GRK5: variants seen among roughly 807,000 people sequenced by gnomAD.
The protein encoded by GRK5 is g protein-coupled receptor kinase GRK5.
A neutral mutation model predicts 78.4 loss-of-function variants in GRK5; 40 were observed. The observed-to-expected ratio is 0.51, with a 90% CI of 0.40 to 0.66. The LOEUF is 0.66. Ranked by LOEUF, GRK5 falls within the 30% of genes least tolerant of loss-of-function variation. The pLI, the probability that GRK5 is intolerant of heterozygous loss-of-function variation, is 0.00. For missense variants in GRK5, 598 were observed against 759.9 expected, an observed-to-expected ratio of 0.79 and a Z score of 2.50; for synonymous variants, 289 against 296.8, an observed-to-expected ratio of 0.97 and a Z score of 0.27.
chr10:119,376,079 G>A (rs546695238), intron 2 of GRK5, among the ~76,000 whole-genome samples: 2 of 152,180 alleles, frequency 1.3e-5, no homozygotes, highest in Non-Finnish European at 2.9e-5. Flanking sequence ...GCCCTTTCCT[G>A]TGTGAGTCCA....
intron 1 of GRK5, among the ~76,000 whole-genome samples, chr10:119,225,704 T>C (rs908949697): frequency 6.1e-5 from 9 of 148,310 alleles, no homozygotes; most frequent in African/African-American, 2.2e-4. Context: ...AGAGTCTCGC[T>C]CTGTCACCCA....
At chr10:119,339,717 A>C (rs1230335483) in intron 2 of GRK5, among the ~76,000 whole-genome samples, 3 of 152,186 alleles carry the variant, frequency 2.0e-5, no homozygotes, top group Non-Finnish European at 4.4e-5. Context: ...ACATGGCGAA[A>C]CCTAGTCTCT....
chr10:119,406,140 C>A (rs1043128399), intron 4 of GRK5, among the ~76,000 whole-genome samples: 1 of 152,154 alleles, frequency 6.6e-6, no homozygotes, highest in African/African-American at 2.4e-5. Context: ...TGCAGGAGAT[C>A]CAAAGAGAAT....
chr10:119,414,208 C>T (rs1474319244), intron 4 of GRK5, among the ~76,000 whole-genome samples: 1 of 152,230 alleles, frequency 6.6e-6, no homozygotes, highest in Non-Finnish European at 1.5e-5. Context: ...CAGCTGCCCA[C>T]ATATGAAAAT....
chr10:119,380,916 C>T lies in GRK5; in HGVS notation c.250C>T (p.Leu84=), dbSNP rs1417508534. ...TGGGCTGGAGTGTTACATTCAGTTC[C>T]TGGACTCCGTGGTAAGTTCCTGCTC... ...RPGLECYIQF[L]DSVAEYEVTP... The change falls in exon 3 of 16, where the codon CTG becomes TTG. Residue 84 remains leucine, a synonymous_variant. Coordinates refer to ENST00000392870, the MANE Select transcript of GRK5 (RefSeq NM_005308.3). 5 of 1,605,374 alleles carry T rather than the reference C, an allele frequency of 3.1e-6. No individual in the cohort carries two copies. The African/African-American group carries it at 5.3e-5, about 17-fold the overall frequency.
intron 1 of GRK5, among the ~76,000 whole-genome samples, chr10:119,254,485 A>G (rs909872551): frequency 2.6e-5 from 4 of 152,078 alleles, no homozygotes; most frequent in African/African-American, 7.2e-5. Flanking sequence ...CTTACAGCCT[A>G]ATGGGAAAGG....
At position 119,455,202 on chromosome 10, in the gene GRK5, C is replaced by T. The variant is rs564268134; in HGVS notation, c.*135C>T. 9.2e-6 allele frequency: 7 copies of T among 760,426 alleles called. No individual in the cohort carries two copies. The highest frequency in any genetic ancestry group is 1.6e-5 in the Non-Finnish European group (7 of 431,524). 47.1% of individuals were successfully genotyped at this position (760,426 alleles called of 1,614,324 possible). Reference sequence around the variant, plus strand: ...AGCCGGGGAAGGAGGCCGTCCATCCCGTCGACGTAGAACCTCGAGGTTTCT... The same window carrying T: ...AGCCGGGGAAGGAGGCCGTCCATCCTGTCGACGTAGAACCTCGAGGTTTCT... On this transcript the variant is annotated 3_prime_UTR_variant, in exon 16 of 16. Coordinates refer to ENST00000392870, the MANE Select transcript of GRK5 (RefSeq NM_005308.3).
chr10:119,262,032 C>T (rs1849415867), intron 1 of GRK5, among the ~76,000 whole-genome samples: 1 of 152,190 alleles, frequency 6.6e-6, no homozygotes, highest in Non-Finnish European at 1.5e-5. Flanking sequence ...GATTCTTTTC[C>T]TGAAGCTTTA....
intron 1 of GRK5, among the ~76,000 whole-genome samples, chr10:119,228,308 A>G (rs1332941969): frequency 1.3e-5 from 2 of 151,798 alleles, no homozygotes; most frequent in South Asian, 2.1e-4. Context: ...TGGTGCCAGT[A>G]TGCTCCAGCC....
chr10:119,407,445 A>C (rs1471415244), intron 4 of GRK5, among the ~76,000 whole-genome samples: 1 of 152,224 alleles, frequency 6.6e-6, no homozygotes, highest in Non-Finnish European at 1.5e-5. Flanking sequence ...CTTTTTCTTT[A>C]AGCCAGTAAG....
At chr10:119,275,809 G>A (rs1216445855) in intron 1 of GRK5, among the ~76,000 whole-genome samples, 4 of 152,182 alleles carry the variant, frequency 2.6e-5, no homozygotes, top group Non-Finnish European at 5.9e-5. Context: ...GGGGAGGGCT[G>A]AGCATGTGTA....
chr10:119,443,529 C>A lies in GRK5; in HGVS notation c.1058-15C>A, dbSNP rs955591167. ...TCCCTCCTCCTCACTCCTCTCTCCTCTCCTCTGCCCCCAGCTCCAGAGGTC... is the reference window on the plus strand; with the variant it reads ...TCCCTCCTCCTCACTCCTCTCTCCTATCCTCTGCCCCCAGCTCCAGAGGTC... On this transcript the variant is annotated splice_polypyrimidine_tract_variant and intron_variant, in intron 11 of 15. Transcript: ENST00000392870. 2 of 1,593,528 alleles carry A rather than the reference C, an allele frequency of 1.3e-6. No individual in the cohort carries two copies. Among genetic ancestry groups the A allele is most frequent in the East Asian group, 4.5e-5 (2 of 44,236 alleles).
At chr10:119,266,180 G>C (rs754124793) in intron 1 of GRK5, among the ~76,000 whole-genome samples, 1 of 152,216 alleles carries the variant, frequency 6.6e-6, no homozygotes. Flanking sequence ...GGCTGGATGG[G>C]CGCGAAGGCT....
chr10:119,308,014 C>T (rs933112566), intron 1 of GRK5, among the ~76,000 whole-genome samples: 6 of 152,160 alleles, frequency 3.9e-5, no homozygotes, highest in Non-Finnish European at 8.8e-5. Context: ...CTCTATGAGG[C>T]TCCATCTGAG....
At chr10:119,212,726 G>A (rs1245829205) in intron 1 of GRK5, 2 of 152,234 alleles carry the variant, frequency 1.3e-5, no homozygotes, top group Admixed American at 6.5e-5. Context: ...CATAGGTCAT[G>A]CAACTCAGAG....
Position 119,207,892 on chromosome 10 carries a change from G to A in GRK5, c.-26G>A, listed in dbSNP as rs775913595. 1.5e-5 allele frequency: 24 copies of A among 1,588,102 alleles called. No homozygotes were observed. The highest frequency in any genetic ancestry group is 1.4e-5 in the Non-Finnish European group (16 of 1,169,632). ...CAGGCGCTGACAGCCCCGCCGGCCG[G>A]CTCCGTTGCTGACCGCCGACTGTCA... On this transcript the variant is annotated 5_prime_UTR_variant, in exon 1 of 16. Coordinates refer to ENST00000392870, the MANE Select transcript of GRK5 (RefSeq NM_005308.3).
At chr10:119,298,523 G>A (rs900233583) in intron 1 of GRK5, among the ~76,000 whole-genome samples, 7 of 152,174 alleles carry the variant, frequency 4.6e-5, no homozygotes, top group African/African-American at 7.2e-5. Flanking sequence ...CTCAAACTTA[G>A]CATTTTCGAT....
chr10:119,436,692 C>G lies in GRK5; in HGVS notation c.780C>G (p.Cys260Trp). Reference protein sequence around the residue: ...AYAYETKDALCLVLTIMNGGD... With the variant: ...AYAYETKDALWLVLTIMNGGD... ...CCTACGAGACCAAGGATGCACTGTG[C>G]TTGGTCCTGACCATCATGAATGGGG... Residue 260 changes from cysteine (C) to tryptophan (W), a missense_variant, in exon 9 of 16, where the codon TGC (cysteine) becomes TGG (tryptophan). Transcript: ENST00000392870. 6.2e-7 allele frequency: 1 copy of G among 1,614,244 alleles called. No homozygotes were observed. The highest frequency in any genetic ancestry group is 8.5e-7 in the Non-Finnish European group (1 of 1,180,034).
chr10:119,321,000 C>A (rs1176815114), intron 1 of GRK5, among the ~76,000 whole-genome samples: 1 of 152,372 alleles, frequency 6.6e-6, no homozygotes, highest in African/African-American at 2.4e-5. Flanking sequence ...CAATCAAGTC[C>A]TATGAAATAA....
Sources: gnomAD v4.1 joint callset for allele counts (sites outside exome capture counted in the v4.1 genomes callset) on GRCh38, gnomAD v4.1.1 for gene constraint, MANE v1.5 for transcripts, NCBI Gene and HGNC (gene_info 2026-07-23, HGNC 2026-07-21) for gene names.